CEP128: variants seen among roughly 807,000 people sequenced by gnomAD.
CEP128 encodes the protein centrosomal protein 128kDa.
CEP128 carries 132 observed loss-of-function variants against 156.7 expected under a neutral mutation model. The observed-to-expected ratio is 0.84, with a 90% CI of 0.73 to 0.97. The LOEUF (loss-of-function observed/expected upper bound fraction) is 0.97, where lower values mean the gene tolerates loss of function less well. Among genes scored for constraint, CEP128 ranks in the 50% least tolerant of loss-of-function variants. The pLI is 0.00. For synonymous variants in CEP128, 469 were observed against 448.9 expected (o/e 1.04, Z -0.57); for missense variants, 1,252 against 1,281.9 (o/e 0.98, Z 0.36).
chr14:80,656,274 T>C (rs1262244002), intron 19 of CEP128, among the ~76,000 whole-genome samples: 3 of 39,282 alleles, frequency 7.6e-5, no homozygotes, highest in Non-Finnish European at 1.5e-4. Context: ...AACCTAAGTT[T>C]TTATTTATAT....
intron 19 of CEP128, among the ~76,000 whole-genome samples, chr14:80,613,560 C>T (rs1376016777): frequency 2.0e-5 from 3 of 151,790 alleles, no homozygotes; most frequent in Admixed American, 1.3e-4. Context: ...CCACCTGCCT[C>T]GGCCTCTCGA....
At chr14:80,792,696 A>G in intron 14 of CEP128, 64 bp downstream of exon 14, 1 of 1,341,136 alleles carries the variant, frequency 7.5e-7, no homozygotes. Context: ...GTTTTTTCAA[A>G]GGATAGATGA....
At chr14:80,701,318 T>G (rs1209723697) in intron 19 of CEP128, among the ~76,000 whole-genome samples, 1 of 152,116 alleles carries the variant, frequency 6.6e-6, no homozygotes, top group Admixed American at 6.6e-5. Flanking sequence ...TGGAACAGAC[T>G]CTCCTGAGGA....
At chr14:80,811,818 T>TTTAGATAGATAGA (rs146742493) in intron 13 of CEP128, among the ~76,000 whole-genome samples, 26 of 149,632 alleles carry the variant, frequency 1.7e-4, no homozygotes, top group East Asian at 2.0e-4. Context: ...CACGCATGTA[T>TTTAGATAGATAGA]TAGATAGATA....
chr14:80,602,884 C>G (rs1892636466), intron 19 of CEP128, among the ~76,000 whole-genome samples: 1 of 152,024 alleles, frequency 6.6e-6, no homozygotes, highest in African/African-American at 2.4e-5. Context: ...TTGGGGAATT[C>G]ACAAATGCAT....
At chr14:80,901,556 T>TA (rs1481019170) in intron 6 of CEP128, among the ~76,000 whole-genome samples, 3 of 152,192 alleles carry the variant, frequency 2.0e-5, no homozygotes, top group Non-Finnish European at 4.4e-5. Context: ...AGAATGAACT[T>TA]AATGAGGAAG....
intron 21 of CEP128, among the ~76,000 whole-genome samples, chr14:80,536,681 G>C (rs150452973): frequency 1.3e-5 from 2 of 152,144 alleles, no homozygotes; most frequent in Admixed American, 1.3e-4. Context: ...TGGCTTCATA[G>C]GGCCCTGTTT....
intron 18 of CEP128, among the ~76,000 whole-genome samples, chr14:80,749,535 A>T (rs1322461707): frequency 6.6e-6 from 1 of 152,214 alleles, no homozygotes; most frequent in Non-Finnish European, 1.5e-5. Flanking sequence ...AAGGAAGACG[A>T]ACTTCACATG....
intron 2 of CEP128, among the ~76,000 whole-genome samples, chr14:80,953,596 C>A (rs1051139515): frequency 6.6e-6 from 1 of 151,992 alleles, no homozygotes; most frequent in East Asian, 1.9e-4. Flanking sequence ...AACAAACAAA[C>A]AAAAAAAGGA....
upstream of CEP128, chr14:80,941,895 G>A (rs1886181231): frequency 1.3e-5 from 2 of 152,220 alleles, no homozygotes; most frequent in African/African-American, 4.8e-5. Context: ...TGGCCTTCGG[G>A]TAACTTTCCC....
chr14:80,594,576 A>G (rs1892231052), intron 19 of CEP128, among the ~76,000 whole-genome samples: 1 of 152,218 alleles, frequency 6.6e-6, no homozygotes, highest in Admixed American at 6.5e-5. Context: ...TCTCCATCTG[A>G]CAAAGGGCTA....
chr14:80,513,525 C>A (rs1175474154), intron 23 of CEP128, among the ~76,000 whole-genome samples: 2 of 151,962 alleles, frequency 1.3e-5, no homozygotes, highest in African/African-American at 4.8e-5. Context: ...TTGGAAAGTT[C>A]TCTGTTATTA....
chr14:80,783,083 A>C (rs1404174553), intron 15 of CEP128, among the ~76,000 whole-genome samples: 1 of 152,070 alleles, frequency 6.6e-6, no homozygotes, highest in Non-Finnish European at 1.5e-5. Flanking sequence ...TCTTGACCCT[A>C]CTAATTATTA....
In CEP128 at chr14:80,841,850, T is replaced by C. The variant is rs951448425; in HGVS notation, c.763-1082A>G. ...GGTGAAAACTAAATGGTTTGATATC[T>C]GTAGAGCACATAAAGCAATGTCTGG... On this transcript the variant is annotated intron_variant, in intron 9 of 24. Transcript: ENST00000555265. 2.0e-5 allele frequency among the ~76,000 whole-genome samples: 3 copies of C among 151,992 alleles called. No homozygotes were observed. In the East Asian group the frequency reaches 5.8e-4, roughly 29 times the overall value.
chr14:80,744,249 A>C (rs935438114), intron 18 of CEP128, among the ~76,000 whole-genome samples: 2 of 152,104 alleles, frequency 1.3e-5, no homozygotes, highest in Non-Finnish European at 2.9e-5. Context: ...TCAATACAGC[A>C]GGATTTCAGT....
At chr14:80,954,488 A>G (rs546604324) in intron 2 of CEP128, among the ~76,000 whole-genome samples, 53 of 152,310 alleles carry the variant, frequency 3.5e-4, no homozygotes, top group Non-Finnish European at 6.2e-4. Context: ...TGATAAATGT[A>G]TACATCCACT....
At chr14:80,822,415 A>C (rs898420223) in intron 13 of CEP128, 11 of 433,208 alleles carry the variant, frequency 2.5e-5, no homozygotes, top group African/African-American at 2.2e-4. Flanking sequence ...TCAAATCTTA[A>C]CACTTCAAAA....
intron 4 of CEP128, among the ~76,000 whole-genome samples, chr14:80,909,567 T>G (rs1263349772): frequency 6.6e-6 from 1 of 152,222 alleles, no homozygotes; most frequent in Non-Finnish European, 1.5e-5. Context: ...ATAGGATGAT[T>G]TTTAAGGTCC....
At chr14:80,571,256 G>C (rs1026174042) in intron 20 of CEP128, among the ~76,000 whole-genome samples, 2 of 152,122 alleles carry the variant, frequency 1.3e-5, no homozygotes, top group African/African-American at 4.8e-5. Context: ...TTCAATCCCT[G>C]TTTCAGTCGT....
Sources: gnomAD v4.1 joint callset for allele counts (sites outside exome capture counted in the v4.1 genomes callset) on GRCh38, gnomAD v4.1.1 for gene constraint, MANE v1.5 for transcripts, NCBI Gene and HGNC (gene_info 2026-07-23, HGNC 2026-07-21) for gene names.